Variants in GBE1 observed in about 807,000 individuals in gnomAD.
GBE1 encodes 1,4-alpha-glucan-branching enzyme.
In GBE1, 70 loss-of-function variants were observed where a neutral mutation model predicts 88.8. The ratio of observed to expected loss-of-function variants is 0.79; its 90% CI spans 0.65 to 0.96. GBE1 has a LOEUF of 0.96. Ranked by LOEUF, GBE1 falls within the 40% of genes least tolerant of loss-of-function variation. The pLI is 0.00. For missense variants in GBE1, 872 were observed against 871.0 expected, an observed-to-expected ratio of 1.00 and a Z score of -0.01; for synonymous variants, 284 against 300.1, an observed-to-expected ratio of 0.95 and a Z score of 0.56.
At chr3:81,691,803 A>G (rs963069148) in intron 2 of GBE1, among the ~76,000 whole-genome samples, 1 of 152,134 alleles carries the variant, frequency 6.6e-6, no homozygotes, top group African/African-American at 2.4e-5. Flanking sequence ...TTTTTTAAAT[A>G]AAATAATACA....
intron 15 of GBE1, 50 bp downstream of exon 15, chr3:81,499,060 A>G: frequency 1.0e-6 from 1 of 994,222 alleles, no homozygotes; most frequent in Non-Finnish European, 1.5e-6. Flanking sequence ...CATTACTATA[A>G]TAAAAGAGTA....
At chr3:81,505,743 G>A (rs1350815934) in intron 14 of GBE1, among the ~76,000 whole-genome samples, 1 of 151,958 alleles carries the variant, frequency 6.6e-6, no homozygotes, top group African/African-American at 2.4e-5. Flanking sequence ...TCGTGGTCGG[G>A]GGGTGTGTGT....
intron 2 of GBE1, among the ~76,000 whole-genome samples, chr3:81,684,752 A>AT (rs930200716): frequency 5.2e-4 from 79 of 151,944 alleles, no homozygotes; most frequent in African/African-American, 1.8e-3. Flanking sequence ...TCTCTATGGA[A>AT]TTTTTTTTTC....
At chr3:81,740,552 T>C (rs1216671715) in intron 1 of GBE1, among the ~76,000 whole-genome samples, 1 of 152,048 alleles carries the variant, frequency 6.6e-6, no homozygotes, top group Non-Finnish European at 1.5e-5. Context: ...GAACTAAACC[T>C]GAGGGAAATG....
intron 14 of GBE1, chr3:81,534,673 G>A (rs2106868649): frequency 6.6e-6 from 1 of 152,264 alleles, no homozygotes; most frequent in East Asian, 1.9e-4. Flanking sequence ...CCCACTGAGT[G>A]GAGGAAAAGA....
chr3:81,690,804 C>T (rs1468966739), intron 2 of GBE1, among the ~76,000 whole-genome samples: 1 of 151,766 alleles, frequency 6.6e-6, no homozygotes, highest in African/African-American at 2.4e-5. Flanking sequence ...TGCTGTTTTC[C>T]TCATTGTTGT....
At chr3:81,659,930 A>G (rs556011551) in intron 3 of GBE1, among the ~76,000 whole-genome samples, 1 of 152,296 alleles carries the variant, frequency 6.6e-6, no homozygotes, top group East Asian at 1.9e-4. Context: ...TTACAAATTA[A>G]GGTCTCACAG....
At chr3:81,742,522 GA>G (rs1706362971) in intron 1 of GBE1, among the ~76,000 whole-genome samples, 1 of 152,004 alleles carries the variant, frequency 6.6e-6, no homozygotes, top group African/African-American at 2.4e-5. Flanking sequence ...TAATATCAAA[GA>G]AGGCATAGGC....
chr3:81,537,778 A>G (rs1004340650), intron 12 of GBE1, among the ~76,000 whole-genome samples: 3 of 151,930 alleles, frequency 2.0e-5, no homozygotes, highest in Non-Finnish European at 4.4e-5. Flanking sequence ...TAGAGTGTGT[A>G]CCTTTCATTT....
chr3:81,686,495 G>A (rs1326279763), intron 2 of GBE1, among the ~76,000 whole-genome samples: 4 of 152,112 alleles, frequency 2.6e-5, no homozygotes, highest in African/African-American at 9.7e-5. Context: ...AGTGACTCAC[G>A]CCTGTAATCC....
chr3:81,660,223 T>C (rs1705004522), intron 3 of GBE1, among the ~76,000 whole-genome samples: 1 of 152,128 alleles, frequency 6.6e-6, no homozygotes, highest in South Asian at 2.1e-4. Flanking sequence ...TGGTCAAGAA[T>C]TGGAGTGACC....
intron 3 of GBE1, among the ~76,000 whole-genome samples, chr3:81,669,152 A>G (rs1042391576): frequency 3.3e-5 from 5 of 152,212 alleles, no homozygotes; most frequent in Non-Finnish European, 5.9e-5. Context: ...CTCGGCTTCA[A>G]CTAGAACATT....
chr3:81,680,209 T>C (rs1308714868), intron 2 of GBE1, among the ~76,000 whole-genome samples: 1 of 152,172 alleles, frequency 6.6e-6, no homozygotes, highest in Non-Finnish European at 1.5e-5. Context: ...TTACCCAATT[T>C]TCGGCTGGGT....
intron 7 of GBE1, among the ~76,000 whole-genome samples, chr3:81,594,497 T>C (rs1042064014): frequency 6.6e-6 from 1 of 152,088 alleles, no homozygotes; most frequent in African/African-American, 2.4e-5. Flanking sequence ...GTAGAAAAAG[T>C]ACTTTCAATG....
intron 7 of GBE1, among the ~76,000 whole-genome samples, chr3:81,596,261 G>A (rs1285932236): frequency 6.6e-6 from 1 of 151,602 alleles, no homozygotes; most frequent in Non-Finnish European, 1.5e-5. Flanking sequence ...AAAGTTAAAA[G>A]TATTAATTCT....
chr3:81,645,286 C>A (rs1704747315), intron 6 of GBE1, among the ~76,000 whole-genome samples: 1 of 151,834 alleles, frequency 6.6e-6, no homozygotes, highest in African/African-American at 2.4e-5. Context: ...GAGGAAAGAG[C>A]AAAGGAAATT....
At chr3:81,599,242 C>G (rs1474432376) in intron 7 of GBE1, among the ~76,000 whole-genome samples, 2 of 152,030 alleles carry the variant, frequency 1.3e-5, no homozygotes, top group African/African-American at 2.4e-5. Context: ...TGGTTATCTG[C>G]CACGTAAGAT....
At chr3:81,737,350 A>T (rs13063285) in intron 1 of GBE1, among the ~76,000 whole-genome samples, 12 of 85,210 alleles carry the variant, frequency 1.4e-4, no homozygotes, top group African/African-American at 6.4e-4. Flanking sequence ...TATTTATATA[A>T]ATATATATTT....
intron 7 of GBE1, among the ~76,000 whole-genome samples, chr3:81,626,859 T>A (rs560799919): frequency 2.0e-5 from 3 of 152,216 alleles, no homozygotes; most frequent in Non-Finnish European, 2.9e-5. Flanking sequence ...TATTAGCTAA[T>A]TAGATTCCAA....
Sources: gnomAD v4.1 joint callset for allele counts (sites outside exome capture counted in the v4.1 genomes callset) on GRCh38, gnomAD v4.1.1 for gene constraint, MANE v1.5 for transcripts, NCBI Gene and HGNC (gene_info 2026-07-23, HGNC 2026-07-21) for gene names.